Variants in UBE2R2 observed in about 807,000 individuals in gnomAD.
UBE2R2 encodes the protein ubiquitin-conjugating enzyme E2 R2.
In UBE2R2, 1 loss-of-function variant was observed where a neutral mutation model predicts 27.8. The observed-to-expected ratio is 0.04, with a 90% CI of 0.01 to 0.17. UBE2R2 has a LOEUF of 0.17. UBE2R2 is among the 10% of genes least tolerant of loss of function. UBE2R2 has a pLI of 1.00. For missense variants in UBE2R2, 100 were observed against 291.0 expected, an observed-to-expected ratio of 0.34 and a Z score of 4.78; for synonymous variants, 106 against 113.3, an observed-to-expected ratio of 0.94 and a Z score of 0.41.
intron 2 of UBE2R2, among the ~76,000 whole-genome samples, chr9:33,895,768 C>CTTT (rs776870484): frequency 0.018 from 1,657 of 90,288 alleles, 10 homozygotes; most frequent in East Asian, 0.035. Flanking sequence ...CTCTCTCTCT[C>CTTT]TTTTTTTTTT....
At chr9:33,877,390 G>A (rs1821629391) in intron 1 of UBE2R2, among the ~76,000 whole-genome samples, 1 of 151,822 alleles carries the variant, frequency 6.6e-6, no homozygotes, top group Non-Finnish European at 1.5e-5. Context: ...CTCCTTGTTA[G>A]CCAGGATGGT....
intron 4 of UBE2R2, among the ~76,000 whole-genome samples, chr9:33,916,646 C>T (rs1287176295): frequency 6.6e-6 from 1 of 152,202 alleles, no homozygotes; most frequent in Non-Finnish European, 1.5e-5. Context: ...CACATGCAAA[C>T]AACAAAGCAT....
intron 1 of UBE2R2, among the ~76,000 whole-genome samples, chr9:33,863,792 A>G (rs1309815702): frequency 1.3e-5 from 2 of 151,884 alleles, no homozygotes; most frequent in Admixed American, 6.6e-5. Flanking sequence ...GATTCAATGG[A>G]TTCTCCTGCC....
At chr9:33,892,533 T>G (rs7357700) in intron 2 of UBE2R2, among the ~76,000 whole-genome samples, 2 of 151,830 alleles carry the variant, frequency 1.3e-5, no homozygotes, top group African/African-American at 4.8e-5. Context: ...CTCTATGGGG[T>G]TATACATTTA....
intron 2 of UBE2R2, among the ~76,000 whole-genome samples, chr9:33,887,947 T>G (rs181360551): frequency 0.01 from 1,573 of 152,362 alleles, 11 homozygotes; most frequent in Non-Finnish European, 0.016. Context: ...AGTGCCGGGA[T>G]TACAGGCGTG....
At chr9:33,842,910 A>G (rs1473457795) in intron 1 of UBE2R2, among the ~76,000 whole-genome samples, 1 of 151,630 alleles carries the variant, frequency 6.6e-6, no homozygotes, top group Non-Finnish European at 1.5e-5. Flanking sequence ...GCCATGACAC[A>G]TGCCTGTAGT....
In UBE2R2 at chr9:33,879,750, CTTTTTTT is replaced by C. The variant is rs66929161; in HGVS notation, c.178-7114_178-7108del. On this transcript the variant is annotated intron_variant, in intron 1 of 4. Coordinates refer to ENST00000263228, the MANE Select transcript of UBE2R2 (RefSeq NM_017811.4). ...CAAGCCACGGCGCCTGGTCACAAGACTTTTTTTTTTTTTTTTTTTTTTTGAGACGATG... is the reference window on the plus strand; with the variant it reads ...CAAGCCACGGCGCCTGGTCACAAGACTTTTTTTTTTTTTTTTGAGACGATG... Among the ~76,000 whole-genome samples the C allele has an allele frequency of 1.2e-4, 8 of 67,380 alleles. No individual in the cohort carries two copies. The East Asian group carries it at 1.9e-3, about 16-fold the overall frequency. The allele number at this position is 67,380 out of a possible 152,430, so 44.2% of individuals were successfully genotyped here.
intron 1 of UBE2R2, among the ~76,000 whole-genome samples, chr9:33,823,505 A>T (rs1820218241): frequency 6.6e-6 from 1 of 151,862 alleles, no homozygotes; most frequent in South Asian, 2.1e-4. Flanking sequence ...CCTCCCAAGT[A>T]GCTGGGATTA....
intron 3 of UBE2R2, among the ~76,000 whole-genome samples, chr9:33,900,933 C>G (rs1570778): frequency 0.068 from 10,287 of 152,044 alleles, 486 homozygotes; most frequent in Non-Finnish European, 0.099. Context: ...CTCTGTCTCT[C>G]TCTCTCTCTC....
intron 1 of UBE2R2, chr9:33,818,652 C>T (rs1482194607): frequency 6.6e-6 from 1 of 152,096 alleles, no homozygotes; most frequent in African/African-American, 2.4e-5. Context: ...TTTCAAAATG[C>T]CCTTTGTCCT....
intron 3 of UBE2R2, among the ~76,000 whole-genome samples, chr9:33,910,069 C>G (rs1448371979): frequency 6.6e-6 from 1 of 152,128 alleles, no homozygotes; most frequent in Non-Finnish European, 1.5e-5. Flanking sequence ...CTCCCATTTT[C>G]TCCTAATGCA....
chr9:33,916,745 C>T (rs939030760), intron 4 of UBE2R2, among the ~76,000 whole-genome samples: 54 of 152,172 alleles, frequency 3.5e-4, no homozygotes, highest in Admixed American at 1.8e-3. Context: ...AGCCAGTTGA[C>T]GAGGTGATTC....
chr9:33,877,135 C>A (rs188401217), intron 1 of UBE2R2, among the ~76,000 whole-genome samples: 3 of 151,118 alleles, frequency 2.0e-5, no homozygotes, highest in Admixed American at 6.6e-5. Context: ...AAAACTACTT[C>A]TAGAATAAAG....
intron 2 of UBE2R2, 98 bp from the exon 3 acceptor site, chr9:33,900,076 G>C (rs1468964109): frequency 4.8e-6 from 4 of 825,060 alleles, no homozygotes; most frequent in Non-Finnish European, 7.8e-6. Flanking sequence ...CTTTGATGAA[G>C]AAACAGTTTC....
chr9:33,916,991 A>G (rs1031661033), intron 4 of UBE2R2, 27 bp from the exon 5 acceptor site: 1 of 1,612,958 alleles, frequency 6.2e-7, no homozygotes, highest in South Asian at 1.1e-5. Context: ...CTTACCGTAA[A>G]CCATTTCTGT....
At chr9:33,899,437 C>A (rs191830086) in intron 2 of UBE2R2, among the ~76,000 whole-genome samples, 15 of 151,630 alleles carry the variant, frequency 9.9e-5, no homozygotes, top group African/African-American at 2.9e-4. Flanking sequence ...TGCATTGGCG[C>A]GATCTTGGCT....
chr9:33,915,514 A>C (rs1822619856), intron 4 of UBE2R2, among the ~76,000 whole-genome samples: 1 of 152,220 alleles, frequency 6.6e-6, no homozygotes, highest in East Asian at 1.9e-4. Context: ...CCTCAGGACC[A>C]TCAATATTCA....
intron 1 of UBE2R2, among the ~76,000 whole-genome samples, chr9:33,874,698 G>A (rs910018373): frequency 6.6e-6 from 1 of 151,942 alleles, no homozygotes; most frequent in African/African-American, 2.4e-5. Context: ...TTGAGACAGG[G>A]TCTCGACTTG....
chr9:33,911,421 A>C lies in UBE2R2; in HGVS notation c.363-543A>C, dbSNP rs868698808. Among the ~76,000 whole-genome samples the C allele has an allele frequency of 3.6e-3, 546 of 149,592 alleles. 3 individuals are homozygous for C. The highest frequency in any genetic ancestry group is 0.013 in the African/African-American group (514 of 40,846). ...CCATCTCAAAAAAAAAAAAAAAAAA[A>C]AAAAAAAAAAAAAACCTGGTTATAT... On this transcript the variant is annotated intron_variant, in intron 3 of 4. Transcript: ENST00000263228.
Sources: gnomAD v4.1 joint callset for allele counts (sites outside exome capture counted in the v4.1 genomes callset) on GRCh38, gnomAD v4.1.1 for gene constraint, MANE v1.5 for transcripts, NCBI Gene and HGNC (gene_info 2026-07-23, HGNC 2026-07-21) for gene names.